Variants in KY observed in about 807,000 individuals in gnomAD.
KY encodes the protein kyphoscoliosis peptidase.
In KY, 43 loss-of-function variants were observed where a neutral mutation model predicts 76.1. That is an observed-to-expected ratio of 0.57 (90% CI 0.44 to 0.73). The LOEUF is 0.73. Among genes scored for constraint, KY ranks in the 30% least tolerant of loss-of-function variants. KY has a pLI of 0.00. For synonymous variants in KY, 277 were observed against 326.2 expected (o/e 0.85, Z 1.63); for missense variants, 722 against 828.9 (o/e 0.87, Z 1.58).
chr3:134,619,204 C>T lies in KY; in HGVS notation c.654G>A (p.Leu218=), dbSNP rs1962136264. Residue 218 remains leucine (L), a synonymous_variant, in exon 8 of 11, where the codon CTG becomes CTA. Coordinates refer to ENST00000423778, the MANE Select transcript of KY (RefSeq NM_178554.6). ...DRQAFKPTDI[L]RTQKTNCDGY... Reference sequence around the variant, plus strand: ...CATCACAGTTGGTCTTCTGGGTCCGCAGGATGTCAGTGGGTTTGAAGGCTT... The same window carrying T: ...CATCACAGTTGGTCTTCTGGGTCCGTAGGATGTCAGTGGGTTTGAAGGCTT... 1 of 1,613,938 alleles carries T rather than the reference C, an allele frequency of 6.2e-7. No individual in the cohort carries two copies. Among genetic ancestry groups the T allele is most frequent in the East Asian group, 2.2e-5 (1 of 44,866 alleles).
intron 6 of KY, among the ~76,000 whole-genome samples, chr3:134,622,639 C>G (rs1962832146): frequency 6.6e-6 from 1 of 152,136 alleles, no homozygotes; most frequent in African/African-American, 2.4e-5. Context: ...ATAATTAATG[C>G]TAGTGAATTG....
chr3:134,632,648 G>GA (rs1964389021), intron 3 of KY, among the ~76,000 whole-genome samples: 1 of 151,592 alleles, frequency 6.6e-6, no homozygotes, highest in African/African-American at 2.4e-5. Flanking sequence ...TCTTATTACA[G>GA]AAAAAAGAAA....
At position 134,627,823 on chromosome 3, in the gene KY, AAT is replaced by A; in HGVS notation, c.338-7_338-6del. 2 of 1,610,902 alleles carry A rather than the reference AAT, an allele frequency of 1.2e-6. No homozygotes were observed. The highest frequency in any genetic ancestry group is 1.7e-6 in the Non-Finnish European group (2 of 1,177,068). Reference sequence around the variant, plus strand: ...CATTTTTATCACCTTGTAAACCTACAATATTCCAAAGATCAGAAGTATAGATA... The same window carrying A: ...CATTTTTATCACCTTGTAAACCTACAATTCCAAAGATCAGAAGTATAGATA... On this transcript the variant is annotated splice_region_variant and splice_polypyrimidine_tract_variant and intron_variant, in intron 4 of 10. Transcript: ENST00000423778.
At chr3:134,610,808 C>G (rs1196404591) in intron 8 of KY, 1 of 156,846 alleles carries the variant, frequency 6.4e-6, no homozygotes. Context: ...ATGTAAGGGG[C>G]GAGCACAGCT....
intron 10 of KY, chr3:134,607,130 AGTT>A: frequency 1.0e-6 from 1 of 985,486 alleles, no homozygotes; most frequent in Non-Finnish European, 1.2e-6. Context: ...TGACCTGGTC[AGTT>A]CTTTCCGATA....
At chr3:134,646,983 G>T (rs1966516431) in intron 2 of KY, among the ~76,000 whole-genome samples, 1 of 152,190 alleles carries the variant, frequency 6.6e-6, no homozygotes, top group Admixed American at 6.5e-5. Flanking sequence ...ACTTCTTATT[G>T]TATTTTGGGT....
At chr3:134,612,751 C>CTGTG (rs35084772) in intron 8 of KY, among the ~76,000 whole-genome samples, 20,006 of 125,236 alleles carry the variant, frequency 0.16, 1,747 homozygotes, top group Middle Eastern at 0.22. Flanking sequence ...CACGCCGATG[C>CTGTG]TGTGTGTGTG....
At position 134,638,297 on chromosome 3, in the gene KY, A is replaced by C. The variant is rs142478560; in HGVS notation, c.262+5019T>G. ...CGCTACTGGATCAAATAAAACTCTT[A>C]ATTTAAGAAAAAATATTAGTGTGGC... On this transcript the variant is annotated intron_variant, in intron 3 of 10. Transcript: ENST00000423778. 2.9e-4 allele frequency among the ~76,000 whole-genome samples: 44 copies of C among 152,318 alleles called. 1 individual carries two copies. Among genetic ancestry groups the C allele is most frequent in the African/African-American group, 1.0e-3 (43 of 41,564 alleles).
In KY at chr3:134,608,823, A is replaced by G; in HGVS notation, c.916T>C (p.Phe306Leu). ...ATGAACAGTGCAGGGTGGGTGAGGA[A>G]GTAGAACTCATTGTAGCTGGAGCAG... is the stretch of plus-strand genomic sequence containing the variant. ...KFTFLYNEFYFLTHPALFIED... is the reference protein window; with the variant it reads ...KFTFLYNEFYLLTHPALFIED... Residue 306 changes from phenylalanine (F) to leucine (L), a missense_variant, in exon 10 of 11, where the codon TTC becomes CTC. Physicochemically the swap from Phe to Leu is conservative, Grantham distance 22 (BLOSUM62 0). This residue lies in a region of KY where 552 missense variants were observed against 680.9 expected (regional missense o/e 0.81). Coordinates refer to ENST00000423778, the MANE Select transcript of KY (RefSeq NM_178554.6). 1 of 1,610,846 alleles carries G rather than the reference A, an allele frequency of 6.2e-7. No individual in the cohort carries two copies. Among genetic ancestry groups the G allele is most frequent in the South Asian group, 1.1e-5 (1 of 90,928 alleles).
intron 6 of KY, among the ~76,000 whole-genome samples, chr3:134,622,170 A>G (rs761348867): frequency 7.9e-5 from 12 of 152,230 alleles, no homozygotes; most frequent in Non-Finnish European, 1.8e-4. Context: ...TCAGAAAGTT[A>G]AATGTAGAAT....
Position 134,600,093 on chromosome 3 carries a change from G to C in KY, c.*3486C>G, listed in dbSNP as rs1210836800. On this transcript the variant is annotated 3_prime_UTR_variant, in exon 11 of 11. Coordinates refer to ENST00000423778, the MANE Select transcript of KY (RefSeq NM_178554.6). ...AAATGAAAAGAAATTATAGACCTAAGATAAACTGAGGCGGGCAATAGAGGC... is the reference window on the plus strand; with the variant it reads ...AAATGAAAAGAAATTATAGACCTAACATAAACTGAGGCGGGCAATAGAGGC... Among the ~76,000 whole-genome samples the C allele has an allele frequency of 1.3e-5, 2 of 152,192 alleles. No individual in the cohort carries two copies. Among genetic ancestry groups the C allele is most frequent in the East Asian group, 3.8e-4 (2 of 5,202 alleles).
chr3:134,609,975 A>C (rs1960075143), intron 9 of KY, among the ~76,000 whole-genome samples: 2 of 152,124 alleles, frequency 1.3e-5, no homozygotes, highest in South Asian at 4.1e-4. Context: ...AGGGAGTCAG[A>C]GTGGGGAGTT....
At chr3:134,620,643 C>A (rs566752494) in intron 7 of KY, 106 bp downstream of exon 7, 2 of 775,780 alleles carry the variant, frequency 2.6e-6, no homozygotes, top group South Asian at 3.3e-5. Flanking sequence ...CCCTGTCCCC[C>A]ACCTTTCATG....
At chr3:134,644,255 C>G (rs1209195134) in intron 2 of KY, among the ~76,000 whole-genome samples, 3 of 152,240 alleles carry the variant, frequency 2.0e-5, no homozygotes, top group Admixed American at 1.3e-4. Flanking sequence ...CACACGTTCT[C>G]TCCACATGCA....
intron 3 of KY, among the ~76,000 whole-genome samples, chr3:134,632,307 C>T (rs568519517): frequency 3.8e-4 from 58 of 152,064 alleles, no homozygotes; most frequent in South Asian, 1.0e-3. Flanking sequence ...AACAGCACAA[C>T]GCACATTCAT....
At chr3:134,635,379 C>T (rs936069345) in intron 3 of KY, among the ~76,000 whole-genome samples, 1 of 151,420 alleles carries the variant, frequency 6.6e-6, no homozygotes, top group Non-Finnish European at 1.5e-5. Flanking sequence ...CACCTGTAAC[C>T]CCAGCTACTC....
Position 134,629,631 on chromosome 3 carries a change from G to A in KY, c.327C>T (p.Ser109=). 6.2e-7 allele frequency: 1 copy of A among 1,600,158 alleles called. No individual in the cohort carries two copies. Among genetic ancestry groups the A allele is most frequent in the South Asian group, 1.1e-5 (1 of 88,160 alleles). The part of the protein sequence containing the change: ...DAMPQLLKKF[S]LAKRLQGDKN... ...CTGTGTCATACATACGTTTAGCCAA[G>A]GAGAACTTCTTGAGCAGCTGGGGCA... Residue 109 remains serine (S), a synonymous_variant, in exon 4 of 11, where the codon TCC becomes TCT. Coordinates refer to ENST00000423778, the MANE Select transcript of KY (RefSeq NM_178554.6).
intron 3 of KY, among the ~76,000 whole-genome samples, chr3:134,632,787 G>T (rs1964405520): frequency 6.6e-6 from 1 of 151,776 alleles, no homozygotes; most frequent in Non-Finnish European, 1.5e-5. Context: ...AACAGCAACA[G>T]AGAATAATCA....
chr3:134,605,182 G>C (rs9824185), intron 10 of KY, among the ~76,000 whole-genome samples: 95,623 of 151,862 alleles, frequency 0.63, 30,615 homozygotes, highest in East Asian at 0.87. Flanking sequence ...CATTGATTTT[G>C]AGGGACAGGT....
Sources: gnomAD v4.1 joint callset for allele counts (sites outside exome capture counted in the v4.1 genomes callset) on GRCh38, gnomAD v4.1.1 for gene constraint, gnomAD v4.1.1 regional missense constraint, MANE v1.5 for transcripts, NCBI Gene and HGNC (gene_info 2026-07-23, HGNC 2026-07-21) for gene names.